The following RFFL variants were observed in gnomAD, a reference collection of about 807,000 sequenced individuals.
RFFL encodes the protein ring finger and FYVE like domain containing E3 ubiquitin protein ligase, also known as E3 ubiquitin-protein ligase rififylin.
Under a neutral mutation model 40.4 loss-of-function variants are expected in RFFL, and 16 were observed. The ratio of observed to expected loss-of-function variants is 0.40; its 90% confidence interval spans 0.27 to 0.60. The LOEUF (loss-of-function observed/expected upper bound fraction) is 0.60. RFFL is among the 20% of genes least tolerant of loss of function. RFFL has a pLI of 0.47. For missense variants in RFFL, 367 were observed against 451.7 expected (o/e 0.81, Z 1.70); for synonymous variants, 154 against 167.9 (o/e 0.92, Z 0.64).
chr17:35,058,736 A>C (rs1469624672), intron 1 of RFFL, among the ~76,000 whole-genome samples: 1 of 152,062 alleles, frequency 6.6e-6, no homozygotes, highest in Non-Finnish European at 1.5e-5. Context: ...GCGCCACTGC[A>C]CTCCAGCCTG....
chr17:35,013,895 A>T (rs1168920242), intron 6 of RFFL, among the ~76,000 whole-genome samples: 1 of 152,140 alleles, frequency 6.6e-6, no homozygotes, highest in Non-Finnish European at 1.5e-5. Context: ...GTTTTGGGGA[A>T]TTGAGAAAAG....
chr17:35,077,037 G>A (rs2142383072), intron 1 of RFFL: 1 of 257,914 alleles, frequency 3.9e-6, no homozygotes, highest in African/African-American at 2.3e-5. Context: ...CACAATAAAT[G>A]TTCTGGTTTT....
chr17:35,012,289 A>C, intron 6 of RFFL, 140 bp from the exon 7 acceptor site: 1 of 671,224 alleles, frequency 1.5e-6, no homozygotes. Flanking sequence ...CTTCCCTCAA[A>C]TAGAGCTCCT....
At chr17:35,030,455 T>C (rs919860435) in intron 1 of RFFL, among the ~76,000 whole-genome samples, 1 of 151,936 alleles carries the variant, frequency 6.6e-6, no homozygotes, top group Non-Finnish European at 1.5e-5. Flanking sequence ...ATGGTGAGCA[T>C]TTTTTTGTGT....
Position 35,010,932 on chromosome 17 carries a change from T to A in RFFL, c.*1036A>T, listed in dbSNP as rs1030170753. 6 of 152,142 alleles carry A rather than the reference T, an allele frequency of 3.9e-5. No individual in the cohort carries two copies. In the East Asian group the frequency reaches 1.2e-3, roughly 29 times the overall value. The allele number at this position is 152,142 out of a possible 1,614,324, so 9.4% of individuals were successfully genotyped here. On this transcript the variant is annotated 3_prime_UTR_variant, in exon 7 of 7. Transcript: ENST00000394597. ...AGCTCTTAAGTGCTCTGTCTTAACA[T>A]TTGCTCTCCAGGAACTTCAACAGCA...
intron 1 of RFFL, among the ~76,000 whole-genome samples, chr17:35,030,386 A>C (rs991458246): frequency 2.0e-5 from 3 of 151,300 alleles, no homozygotes; most frequent in Admixed American, 6.6e-5. Flanking sequence ...TTGCCATTCT[A>C]ACTGGTGTGA....
chr17:35,052,554 G>T (rs376660995), intron 1 of RFFL, among the ~76,000 whole-genome samples: 1 of 152,022 alleles, frequency 6.6e-6, no homozygotes, highest in African/African-American at 2.4e-5. Flanking sequence ...GAAAACACAG[G>T]TTAATAGAAA....
chr17:35,034,267 T>A (rs1221265641), intron 1 of RFFL, among the ~76,000 whole-genome samples: 1 of 151,976 alleles, frequency 6.6e-6, no homozygotes, highest in African/African-American at 2.4e-5. Context: ...TCCAGGAGGA[T>A]GTAGTGAGCT....
At chr17:35,073,285 G>C (rs751752232) in intron 1 of RFFL, among the ~76,000 whole-genome samples, 2 of 151,826 alleles carry the variant, frequency 1.3e-5, no homozygotes, top group Non-Finnish European at 2.9e-5. Flanking sequence ...ATGAGTAATG[G>C]GCCAGAAGGC....
Position 35,007,090 on chromosome 17 carries a change from A to C in RFFL, c.*4878T>G, listed in dbSNP as rs957148142. On this transcript the variant is annotated 3_prime_UTR_variant, in exon 7 of 7. Coordinates refer to ENST00000394597, the MANE Select transcript of RFFL (RefSeq NM_001017368.2). ...CTCTTCAGCCTCAGGCCAAACAAAC[A>C]ACCGGACAGGGCAGCAGAACAAGGC... 2.6e-5 allele frequency: 4 copies of C among 152,236 alleles called. No individual in the cohort carries two copies. The highest frequency in any genetic ancestry group is 5.9e-5 in the Non-Finnish European group (4 of 68,108). 9.4% of individuals were successfully genotyped at this position (152,236 alleles called of 1,614,324 possible). A position where few individuals can be genotyped will look rare whatever the true frequency, so the allele number is the denominator to read the frequency against.
intron 4 of RFFL, 87 bp downstream of exon 4, chr17:35,017,434 TTC>T: frequency 2.4e-6 from 2 of 830,142 alleles, no homozygotes; most frequent in East Asian, 2.7e-5. Flanking sequence ...CACACATTTA[TTC>T]TCTCTCCACT....
intron 1 of RFFL, among the ~76,000 whole-genome samples, chr17:35,047,358 G>A (rs1431726179): frequency 6.6e-6 from 1 of 152,160 alleles, no homozygotes; most frequent in East Asian, 1.9e-4. Context: ...CCATGGTATA[G>A]AATGAATTCT....
chr17:35,058,156 G>A (rs1344994300), intron 1 of RFFL, among the ~76,000 whole-genome samples: 1 of 151,940 alleles, frequency 6.6e-6, no homozygotes, highest in African/African-American at 2.4e-5. Context: ...AGTCCTAGAA[G>A]CAGGAGAGAT....
intron 1 of RFFL, among the ~76,000 whole-genome samples, chr17:35,036,779 T>C (rs1268942553): frequency 1.3e-5 from 2 of 152,210 alleles, no homozygotes; most frequent in East Asian, 1.9e-4. Flanking sequence ...GGGTAGATAA[T>C]GTGATTTCTA....
intron 1 of RFFL, among the ~76,000 whole-genome samples, chr17:35,083,703 C>T (rs1458779344): frequency 6.6e-6 from 1 of 151,554 alleles, no homozygotes; most frequent in Non-Finnish European, 1.5e-5. Context: ...ACTGCTTGAA[C>T]CCAGGAGGCG....
intron 2 of RFFL, 77 bp from the exon 3 acceptor site, chr17:35,021,858 C>T: frequency 7.0e-7 from 1 of 1,420,244 alleles, no homozygotes; most frequent in East Asian, 2.3e-5. Flanking sequence ...AGCTTCAGAG[C>T]TGCCAAGCCC....
intron 1 of RFFL, among the ~76,000 whole-genome samples, chr17:35,035,977 A>C (rs1056592578): frequency 6.6e-6 from 1 of 152,094 alleles, no homozygotes; most frequent in South Asian, 2.1e-4. Flanking sequence ...TGCTGGAATT[A>C]CAGGCATGAG....
intron 1 of RFFL, among the ~76,000 whole-genome samples, chr17:35,046,024 C>CAAA (rs369019064): frequency 6.3e-5 from 4 of 63,428 alleles, no homozygotes; most frequent in African/African-American, 1.9e-4. Context: ...GACTCTGTCT[C>CAAA]AAAAAAAAAA....
intron 6 of RFFL, among the ~76,000 whole-genome samples, chr17:35,012,506 C>T (rs1353474527): frequency 1.3e-5 from 2 of 152,112 alleles, no homozygotes; most frequent in African/African-American, 2.4e-5. Flanking sequence ...GTGAGTGGCA[C>T]GTAGGGACTC....
Sources: gnomAD v4.1 joint callset for allele counts (sites outside exome capture counted in the v4.1 genomes callset) on GRCh38, gnomAD v4.1.1 for gene constraint, MANE v1.5 for transcripts, NCBI Gene and HGNC (gene_info 2026-07-23, HGNC 2026-07-21) for gene names.